DOCK10: variants seen among roughly 807,000 people sequenced by gnomAD.
DOCK10 encodes the protein dedicator of cytokinesis 10.
DOCK10 carries 145 observed loss-of-function variants against 280.1 expected under a neutral mutation model. The ratio of observed to expected loss-of-function variants is 0.52; its 90% CI spans 0.45 to 0.59. The LOEUF (loss-of-function observed/expected upper bound fraction) is 0.59. DOCK10 is among the 20% of genes least tolerant of loss of function. The pLI, the probability that DOCK10 is intolerant of heterozygous loss-of-function variation, is 0.00. For synonymous variants in DOCK10, 915 were observed against 942.2 expected (o/e 0.97, Z 0.53); for missense variants, 2,368 against 2,651.7 (o/e 0.89, Z 2.35).
At position 224,844,854 on chromosome 2, in the gene DOCK10, T is replaced by G. The variant is rs547899269; in HGVS notation, c.2482-15A>C. The G allele has an allele frequency of 1.1e-5, 17 of 1,568,668 alleles. No individual in the cohort carries two copies. The South Asian group carries it at 1.8e-4, about 17-fold the overall frequency. On this transcript the variant is annotated splice_polypyrimidine_tract_variant and intron_variant, in intron 21 of 55. Coordinates refer to ENST00000258390, the MANE Select transcript of DOCK10 (RefSeq NM_014689.3). ...CTCCCACCATGCTGCAAAATAAAGT[T>G]TGTTTACTGTCACTGGGACAATTCG...
chr2:224,870,672 C>T (rs1029534280), intron 11 of DOCK10, among the ~76,000 whole-genome samples: 1 of 152,072 alleles, frequency 6.6e-6, no homozygotes, highest in African/African-American at 2.4e-5. Context: ...GGTCACTTCT[C>T]TATTCATTCT....
intron 1 of DOCK10, among the ~76,000 whole-genome samples, chr2:225,038,449 T>C (rs1690326922): frequency 6.6e-6 from 1 of 152,148 alleles, no homozygotes; most frequent in Non-Finnish European, 1.5e-5. Context: ...CTCAAAGCTC[T>C]CTAAAATATC....
chr2:224,767,068 A>C (rs773107835), intron 55 of DOCK10, among the ~76,000 whole-genome samples: 2 of 152,226 alleles, frequency 1.3e-5, no homozygotes, highest in Non-Finnish European at 2.9e-5. Flanking sequence ...GGACGAACAT[A>C]ACTACATTTT....
intron 26 of DOCK10, among the ~76,000 whole-genome samples, chr2:224,831,628 A>G (rs1695242446): frequency 6.6e-6 from 1 of 152,254 alleles, no homozygotes; most frequent in African/African-American, 2.4e-5. Flanking sequence ...AGGCCCAATG[A>G]TAAGAGCAGT....
At chr2:224,896,827 G>A (rs901790452) in intron 3 of DOCK10, among the ~76,000 whole-genome samples, 11 of 152,188 alleles carry the variant, frequency 7.2e-5, no homozygotes, top group African/African-American at 2.4e-4. Context: ...CAACTTAAAG[G>A]TAGATAAGGA....
chr2:224,820,026 G>A (rs971858584), intron 28 of DOCK10, among the ~76,000 whole-genome samples: 10 of 152,092 alleles, frequency 6.6e-5, no homozygotes, highest in Non-Finnish European at 1.5e-4. Context: ...CACTTATGGG[G>A]TTGTAAATCT....
chr2:224,957,290 C>CCG lies in DOCK10; in HGVS notation c.124-25623_124-25622insCG, dbSNP rs1553622526. 4.8e-5 allele frequency among the ~76,000 whole-genome samples: 7 copies of CCG among 146,698 alleles called. No individual in the cohort carries two copies. The East Asian group carries it at 9.8e-4, about 21-fold the overall frequency. ...GTATTTAGTTTTTACTTTCCGCCCCCCCCCGGCTTTGTTTTTCGGAGATGG... is the reference window on the plus strand; with the variant it reads ...GTATTTAGTTTTTACTTTCCGCCCCCCGCCCCGGCTTTGTTTTTCGGAGATGG... On this transcript the variant is annotated intron_variant, in intron 1 of 55. Transcript: ENST00000258390.
chr2:224,960,253 T>A (rs1461278258), intron 1 of DOCK10, among the ~76,000 whole-genome samples: 3 of 152,238 alleles, frequency 2.0e-5, no homozygotes, highest in Non-Finnish European at 4.4e-5. Flanking sequence ...CTTGCTTAGC[T>A]CTTCCTCCAG....
intron 1 of DOCK10, among the ~76,000 whole-genome samples, chr2:225,023,557 T>C (rs4674959): frequency 0.054 from 8,263 of 152,146 alleles, 738 homozygotes; most frequent in African/African-American, 0.19. Context: ...GTCTGACAAG[T>C]TTACTGTCAA....
chr2:224,905,234 A>ATTTTTT lies in DOCK10; in HGVS notation c.334-8863_334-8858dup, dbSNP rs201582173. 3.4e-4 allele frequency among the ~76,000 whole-genome samples: 38 copies of ATTTTTT among 111,544 alleles called. 1 individual carries two copies. The highest frequency in any genetic ancestry group is 6.3e-4 in the African/African-American group (16 of 25,234). The allele number at this position is 111,544 out of a possible 152,430, so 73.2% of individuals were successfully genotyped here. A position where few individuals can be genotyped will look rare whatever the true frequency, so the allele number is the denominator to read the frequency against. The stretch of plus-strand genomic sequence containing the variant: ...AGATCAATAAACGGCCTATGGAACT[A>ATTTTTT]TTTTTTTTTTTTTTTTTTTTTTTTG... On this transcript the variant is annotated intron_variant, in intron 3 of 55. Transcript: ENST00000258390.
chr2:224,971,203 T>A (rs1262357501), intron 1 of DOCK10, among the ~76,000 whole-genome samples: 4 of 152,178 alleles, frequency 2.6e-5, no homozygotes, highest in Non-Finnish European at 5.9e-5. Flanking sequence ...ATAATGCCAC[T>A]GTATTATTGG....
chr2:224,811,451 T>C (rs1462067581), intron 31 of DOCK10, among the ~76,000 whole-genome samples: 2 of 152,208 alleles, frequency 1.3e-5, no homozygotes, highest in African/African-American at 4.8e-5. Flanking sequence ...TTGACTCTGA[T>C]GGTAGTTTCT....
intron 1 of DOCK10, among the ~76,000 whole-genome samples, chr2:224,957,644 T>C (rs1356848171): frequency 6.6e-6 from 1 of 152,146 alleles, no homozygotes; most frequent in Non-Finnish European, 1.5e-5. Context: ...TGGAGATTTC[T>C]CTTTGGACCA....
chr2:224,985,886 TG>T, intron 1 of DOCK10, among the ~76,000 whole-genome samples: 1 of 152,356 alleles, frequency 6.6e-6, no homozygotes, highest in East Asian at 1.9e-4. Context: ...CTTTTTACAA[TG>T]GGCAAGGAAA....
At chr2:224,856,084 A>G (rs1391727707) in intron 15 of DOCK10, among the ~76,000 whole-genome samples, 1 of 152,210 alleles carries the variant, frequency 6.6e-6, no homozygotes, top group East Asian at 1.9e-4. Context: ...TTTACACCAT[A>G]GACACTGGCC....
chr2:224,870,796 T>G (rs1461508081), intron 11 of DOCK10, among the ~76,000 whole-genome samples: 1 of 150,800 alleles, frequency 6.6e-6, no homozygotes, highest in Non-Finnish European at 1.5e-5. Flanking sequence ...AAATTTGTAT[T>G]TCCATTCATG....
intron 1 of DOCK10, among the ~76,000 whole-genome samples, chr2:225,034,395 A>G (rs1197101126): frequency 6.6e-6 from 1 of 152,218 alleles, no homozygotes; most frequent in Non-Finnish European, 1.5e-5. Context: ...ATTAGAAGAG[A>G]TTGCACAAGT....
chr2:225,030,826 ATAT>A (rs1690055518), intron 1 of DOCK10, among the ~76,000 whole-genome samples: 2 of 152,154 alleles, frequency 1.3e-5, no homozygotes, highest in African/African-American at 2.4e-5. Flanking sequence ...AAAGTTGTAA[ATAT>A]TATACAATTT....
rs866969385 is a variant in DOCK10 at position 224,961,470 on chromosome 2, T to C, written c.124-29802A>G. 2.7e-3 allele frequency among the ~76,000 whole-genome samples: 330 copies of C among 120,254 alleles called. 2 individuals are homozygous for C. The highest frequency in any genetic ancestry group is 7.6e-3 in the African/African-American group (240 of 31,456). 78.9% of individuals were successfully genotyped at this position (120,254 alleles called of 152,430 possible). A position where few individuals can be genotyped will look rare whatever the true frequency, so the allele number is the denominator to read the frequency against. ...TCTTTCTTTCTTTCTTTCTTTCTTT[T>C]TCTTTCTTTCTTTCTCTTTCTTTCC... On this transcript the variant is annotated intron_variant, in intron 1 of 55. Transcript: ENST00000258390.
Sources: allele counts gnomAD v4.1 joint callset (sites outside exome capture counted in the v4.1 genomes callset), GRCh38; gene constraint gnomAD v4.1.1; transcripts MANE v1.5; gene names NCBI Gene and HGNC (gene_info 2026-07-23, HGNC 2026-07-21).